The following RHBDD1 variants were observed in gnomAD, a reference collection of about 807,000 sequenced individuals.
RHBDD1 encodes the protein rhomboid domain containing 1.
A neutral mutation model predicts 36.3 loss-of-function variants in RHBDD1; 38 were observed. That is an observed-to-expected ratio of 1.05 (90% CI 0.81 to 1.37). RHBDD1 has a LOEUF of 1.37. Ranked by LOEUF, RHBDD1 falls within the 40% of genes most tolerant of loss-of-function variation. RHBDD1 has a pLI of 0.00. For synonymous variants in RHBDD1, 151 were observed against 136.5 expected (o/e 1.11, Z -0.74); for missense variants, 393 against 377.6 (o/e 1.04, Z -0.34).
the RHBDD1 span, among the ~76,000 whole-genome samples, chr2:226,826,726 T>C: frequency 6.6e-6 from 1 of 151,808 alleles, no homozygotes; most frequent in Admixed American, 6.6e-5. Flanking sequence ...TTCACCACGT[T>C]AGCCAGGATG....
intron 8 of RHBDD1, among the ~76,000 whole-genome samples, chr2:226,923,567 G>T (rs750933776): frequency 5.3e-5 from 8 of 151,966 alleles, no homozygotes; most frequent in Non-Finnish European, 1.2e-4. Flanking sequence ...CTTTCTCTAG[G>T]TTTGGAAAGT....
the RHBDD1 span, among the ~76,000 whole-genome samples, chr2:226,807,283 T>C: frequency 2.0e-5 from 3 of 152,228 alleles, no homozygotes; most frequent in Non-Finnish European, 4.4e-5. Flanking sequence ...TGTAAATTTG[T>C]ATTTTATTTT....
chr2:226,967,965 A>G (rs980345036), intron 8 of RHBDD1, among the ~76,000 whole-genome samples: 1 of 152,208 alleles, frequency 6.6e-6, no homozygotes, highest in Non-Finnish European at 1.5e-5. Flanking sequence ...TTCTAAGGCC[A>G]TGACTCTCTT....
intron 5 of RHBDD1, chr2:226,895,795 C>T (rs1947054346): frequency 1.0e-6 from 1 of 985,278 alleles, no homozygotes. Context: ...TTCTTAACAA[C>T]TCACCCCAGC....
intron 5 of RHBDD1, among the ~76,000 whole-genome samples, chr2:226,868,578 C>G (rs1574878350): frequency 6.6e-6 from 1 of 152,174 alleles, no homozygotes; most frequent in Non-Finnish European, 1.5e-5. Flanking sequence ...CAGGAAGGTT[C>G]AGAAAGAAGG....
chr2:226,811,819 T>C, the RHBDD1 span, among the ~76,000 whole-genome samples: 1 of 152,208 alleles, frequency 6.6e-6, no homozygotes, highest in African/African-American at 2.4e-5. Context: ...TCTTTTGAAG[T>C]TTGCATTTAT....
At chr2:226,822,292 G>C in the RHBDD1 span, among the ~76,000 whole-genome samples, 1 of 152,084 alleles carries the variant, frequency 6.6e-6, no homozygotes, top group Non-Finnish European at 1.5e-5. Context: ...CTATTATTTA[G>C]TCAAATGAAT....
the RHBDD1 span, among the ~76,000 whole-genome samples, chr2:226,814,221 C>A: frequency 1.3e-4 from 19 of 151,924 alleles, no homozygotes; most frequent in Non-Finnish European, 2.2e-4. Flanking sequence ...ACATTTAAAG[C>A]ATTCAGCAAC....
At chr2:226,982,501 A>G (rs899953097) in intron 8 of RHBDD1, among the ~76,000 whole-genome samples, 6 of 152,256 alleles carry the variant, frequency 3.9e-5, no homozygotes, top group Admixed American at 1.3e-4. Flanking sequence ...AGCATTCAGC[A>G]TCAATAGATG....
chr2:226,904,924 C>T lies in RHBDD1; in HGVS notation c.567-1869C>T, dbSNP rs556642253. On this transcript the variant is annotated intron_variant, in intron 5 of 8. Transcript: ENST00000392062. ...CTGAACATCTAGTGGTTTTAACTTACCTCCTGTTGGTCTTGGTGAAACGGT... is the reference window on the plus strand; with the variant it reads ...CTGAACATCTAGTGGTTTTAACTTATCTCCTGTTGGTCTTGGTGAAACGGT... 7.9e-5 allele frequency among the ~76,000 whole-genome samples: 12 copies of T among 152,256 alleles called. No individual in the cohort carries two copies. In the South Asian group the frequency reaches 2.3e-3, roughly 29 times the overall value.
At chr2:226,948,142 C>T (rs1246754108) in intron 8 of RHBDD1, among the ~76,000 whole-genome samples, 21 of 150,320 alleles carry the variant, frequency 1.4e-4, no homozygotes, top group Non-Finnish European at 1.5e-5. Context: ...GCATTATTCT[C>T]AATAGCAAAG....
chr2:226,941,459 G>A (rs1559295484), intron 8 of RHBDD1, among the ~76,000 whole-genome samples: 1 of 152,164 alleles, frequency 6.6e-6, no homozygotes, highest in East Asian at 1.9e-4. Context: ...AAACAGTTCT[G>A]ATATATGTGT....
the RHBDD1 span, among the ~76,000 whole-genome samples, chr2:226,802,536 A>G: frequency 3.9e-5 from 6 of 152,366 alleles, no homozygotes; most frequent in South Asian, 6.2e-4. Context: ...GTGGGAACTC[A>G]CTGAAGTAAT....
Position 226,961,351 on chromosome 2 carries a change from C to T in RHBDD1, c.857-34080C>T, listed in dbSNP as rs371555077. 1.4e-4 allele frequency among the ~76,000 whole-genome samples: 21 copies of T among 152,270 alleles called. No individual in the cohort carries two copies. In the East Asian group the frequency reaches 3.7e-3, roughly 27 times the overall value. Reference sequence around the variant, plus strand: ...GCACTGGGTCTGTTTCCTTTTCTTACCTCTTTCTCTTTCTCCTCTTCCACA... The same window carrying T: ...GCACTGGGTCTGTTTCCTTTTCTTATCTCTTTCTCTTTCTCCTCTTCCACA... On this transcript the variant is annotated intron_variant, in intron 8 of 8. Coordinates refer to ENST00000392062, the MANE Select transcript of RHBDD1 (RefSeq NM_001167608.3).
At chr2:226,973,939 T>C (rs1449608758) in intron 8 of RHBDD1, among the ~76,000 whole-genome samples, 2 of 152,166 alleles carry the variant, frequency 1.3e-5, no homozygotes, top group Admixed American at 1.3e-4. Context: ...CATGGGCTCT[T>C]TGATAGCAGA....
intron 3 of RHBDD1, among the ~76,000 whole-genome samples, chr2:226,842,915 A>G (rs1941826483): frequency 6.6e-6 from 1 of 152,144 alleles, no homozygotes; most frequent in Admixed American, 6.5e-5. Context: ...TGAGCATGGA[A>G]TGTTTTTCCA....
intron 3 of RHBDD1, among the ~76,000 whole-genome samples, chr2:226,856,875 A>G (rs1444865030): frequency 1.3e-5 from 2 of 152,202 alleles, no homozygotes; most frequent in African/African-American, 4.8e-5. Context: ...TTCTTTTTCT[A>G]AATAATTGCA....
chr2:226,910,270 G>C (rs1948427175), intron 7 of RHBDD1, among the ~76,000 whole-genome samples: 1 of 152,098 alleles, frequency 6.6e-6, no homozygotes, highest in Non-Finnish European at 1.5e-5. Flanking sequence ...AGAGAATTAA[G>C]GGCAAAAATA....
chr2:226,833,167 T>G (rs140942680), upstream of RHBDD1, among the ~76,000 whole-genome samples: 450 of 152,340 alleles, frequency 3.0e-3, 3 homozygotes, highest in Admixed American at 4.6e-3. Context: ...AGATTTGAAT[T>G]ATTTAATTTG....
Sources: gnomAD v4.1 joint callset for allele counts (sites outside exome capture counted in the v4.1 genomes callset) on GRCh38, gnomAD v4.1.1 for gene constraint, MANE v1.5 for transcripts, NCBI Gene and HGNC (gene_info 2026-07-23, HGNC 2026-07-21) for gene names.